The following LYST variants were observed in gnomAD, a reference collection of about 807,000 sequenced individuals.
LYST encodes the protein lysosomal-trafficking regulator.
In LYST, 192 loss-of-function variants were observed where a neutral mutation model predicts 413.6. That is an observed-to-expected ratio of 0.46 (90% confidence interval 0.41 to 0.52). The LOEUF is 0.52. Ranked by LOEUF, LYST falls within the 20% of genes least tolerant of loss-of-function variation. The pLI is 0.00. For missense variants in LYST, 3,815 were observed against 4,499.9 expected, an observed-to-expected ratio of 0.85 and a Z score of 4.35; for synonymous variants, 1,525 against 1,567.3, an observed-to-expected ratio of 0.97 and a Z score of 0.64.
At chr1:235,828,884 A>G (rs1182650513) in intron 3 of LYST, 1 of 887,798 alleles carries the variant, frequency 1.1e-6, no homozygotes, top group African/African-American at 1.8e-5. Flanking sequence ...CTCATTTAAC[A>G]AATCACATTC....
chr1:235,787,636 T>A (rs1217384165), intron 13 of LYST, among the ~76,000 whole-genome samples: 3 of 152,064 alleles, frequency 2.0e-5, no homozygotes, highest in Non-Finnish European at 4.4e-5. Flanking sequence ...AGAATTCAGT[T>A]TGTAAAAAAA....
intron 5 of LYST, 129 bp downstream of exon 5, chr1:235,808,326 A>C (rs1673086515): frequency 8.2e-6 from 6 of 736,120 alleles, no homozygotes; most frequent in Non-Finnish European, 1.3e-5. Context: ...CTGCTGCCAA[A>C]GCCCTGGAGA....
intron 3 of LYST, among the ~76,000 whole-genome samples, chr1:235,821,754 C>T (rs755263433): frequency 6.6e-6 from 1 of 152,198 alleles, no homozygotes; most frequent in Non-Finnish European, 1.5e-5. Flanking sequence ...TTAGCTTGTA[C>T]ATTGTACAAA....
intron 38 of LYST, among the ~76,000 whole-genome samples, chr1:235,727,792 G>A (rs922901092): frequency 5.3e-5 from 8 of 152,110 alleles, no homozygotes; most frequent in South Asian, 2.1e-4. Context: ...TTGTTGCAAC[G>A]GAGGACAGTA....
At chr1:235,695,629 A>ATTTTTTTTTTTTTTTTTTTT (rs148101450) in intron 46 of LYST, among the ~76,000 whole-genome samples, 2 of 116,418 alleles carry the variant, frequency 1.7e-5, no homozygotes, top group African/African-American at 6.8e-5. Context: ...CAGTACTCTA[A>ATTTTTTTTTTTTTTTTTTTT]TTTTTTTTTT....
At chr1:235,760,277 G>A (rs1667460933) in intron 22 of LYST, among the ~76,000 whole-genome samples, 1 of 152,150 alleles carries the variant, frequency 6.6e-6, no homozygotes, top group Non-Finnish European at 1.5e-5. Flanking sequence ...TTTAAAGATT[G>A]AGATTATATT....
chr1:235,737,441 C>T (rs556300666), intron 31 of LYST: 1 of 152,164 alleles, frequency 6.6e-6, no homozygotes, highest in East Asian at 1.9e-4. Context: ...AATGACAACC[C>T]AGGAGAAATA....
chr1:235,855,151 C>T (rs1679019977), intron 1 of LYST, among the ~76,000 whole-genome samples: 1 of 152,264 alleles, frequency 6.6e-6, no homozygotes, highest in Non-Finnish European at 1.5e-5. Flanking sequence ...ACTCACCACA[C>T]TGTACTGTAT....
chr1:235,677,814 ATTTTT>A (rs1461716256), intron 48 of LYST, among the ~76,000 whole-genome samples, 195 bp from the exon 49 acceptor site: 2 of 152,130 alleles, frequency 1.3e-5, no homozygotes, highest in Non-Finnish European at 2.9e-5. Flanking sequence ...TCTGGTTTTC[ATTTTT>A]GTCTATTCTT....
chr1:235,796,897 C>G (rs146652525), intron 10 of LYST, among the ~76,000 whole-genome samples: 55 of 152,288 alleles, frequency 3.6e-4, no homozygotes, highest in African/African-American at 1.3e-3. Flanking sequence ...CATTAGCCTT[C>G]AGGGGAATAC....
chr1:235,753,058 A>G lies in LYST; in HGVS notation c.7446T>C (p.Asn2482=). The change falls in exon 26 of 53, where the codon AAT becomes AAC. Residue 2482 remains asparagine (N), a synonymous_variant. Coordinates refer to ENST00000389793, the MANE Select transcript of LYST (RefSeq NM_000081.4). ...TTTAAACTTACTTCTTTTCTAATCC[A>G]TTCAGGGCTGCTACTGTATTACATA... ...YVLCNTVAAL[N]GLEKNIPMSE... 6.5e-7 allele frequency: 1 copy of G among 1,544,380 alleles called. No homozygotes were observed.
At chr1:235,866,150 C>T (rs1572499732) in intron 1 of LYST, among the ~76,000 whole-genome samples, 1 of 152,174 alleles carries the variant, frequency 6.6e-6, no homozygotes, top group African/African-American at 2.4e-5. Context: ...GGGGTCTTCT[C>T]GGGTAATTTC....
chr1:235,878,222 G>C (rs568673960), intron 1 of LYST, among the ~76,000 whole-genome samples: 1 of 152,316 alleles, frequency 6.6e-6, no homozygotes, highest in South Asian at 2.1e-4. Context: ...TCGGCCTTCA[G>C]CTGGAGGGGG....
chr1:235,853,559 A>G (rs1175813333), intron 1 of LYST, among the ~76,000 whole-genome samples: 1 of 152,106 alleles, frequency 6.6e-6, no homozygotes, highest in East Asian at 1.9e-4. Context: ...AATCTAAGAC[A>G]GCAATGGCCC....
intron 24 of LYST, among the ~76,000 whole-genome samples, chr1:235,755,977 G>T (rs925223744): frequency 5.3e-5 from 8 of 151,774 alleles, no homozygotes; most frequent in Non-Finnish European, 1.2e-4. Context: ...GAAAAAATCC[G>T]TAAACTATGC....
At chr1:235,833,549 G>GGTTA (rs1676224868) in intron 2 of LYST, 29 bp downstream of exon 2, 1 of 490,866 alleles carries the variant, frequency 2.0e-6, no homozygotes, top group Non-Finnish European at 2.6e-6. Context: ...TCATGTTGAT[G>GGTTA]GTTAATATTT....
At chr1:235,840,459 G>A (rs1304979570) in intron 1 of LYST, among the ~76,000 whole-genome samples, 1 of 152,218 alleles carries the variant, frequency 6.6e-6, no homozygotes, top group African/African-American at 2.4e-5. Context: ...TGTACACTAT[G>A]CTAAGAACCT....
At chr1:235,721,953 A>T (rs1381342037) in intron 39 of LYST, among the ~76,000 whole-genome samples, 1 of 152,198 alleles carries the variant, frequency 6.6e-6, no homozygotes, top group Non-Finnish European at 1.5e-5. Context: ...AACAGACCAA[A>T]GTAAAGGAGG....
At chr1:235,838,115 A>G (rs1459866619) in intron 1 of LYST, among the ~76,000 whole-genome samples, 1 of 152,146 alleles carries the variant, frequency 6.6e-6, no homozygotes, top group East Asian at 1.9e-4. Flanking sequence ...CAATAGGAGG[A>G]CCAAGAATTT....
Sources: allele counts gnomAD v4.1 joint callset (sites outside exome capture counted in the v4.1 genomes callset), GRCh38; gene constraint gnomAD v4.1.1; transcripts MANE v1.5; gene names NCBI Gene and HGNC (gene_info 2026-07-23, HGNC 2026-07-21).